DNAH12: variants seen among roughly 807,000 people sequenced by gnomAD.
The protein encoded by DNAH12 is axonemal beta dynein heavy chain 12.
A neutral mutation model predicts 371.5 loss-of-function variants in DNAH12; 285 were observed. The ratio of observed to expected loss-of-function variants is 0.77; its 90% confidence interval spans 0.70 to 0.85. The LOEUF (loss-of-function observed/expected upper bound fraction) is 0.85, where lower values mean the gene tolerates loss of function less well. DNAH12 is among the 40% of genes least tolerant of loss of function. The pLI is 0.00. For synonymous variants in DNAH12, 1,200 were observed against 1,213.0 expected (o/e 0.99, Z 0.22); for missense variants, 3,611 against 3,689.4 (o/e 0.98, Z 0.55).
At chr3:57,523,641 AAGG>A in intron 3 of DNAH12, 32 bp from the exon 4 acceptor site, 1 of 1,488,482 alleles carries the variant, frequency 6.7e-7, no homozygotes. Flanking sequence ...TAATTAAATC[AAGG>A]AGAACATTTT....
chr3:57,369,786 G>GT lies in DNAH12; in HGVS notation c.8760-1527dup, dbSNP rs1285463345. On this transcript the variant is annotated intron_variant, in intron 55 of 73. Transcript: ENST00000495027. Reference sequence around the variant, plus strand: ...ATGTCTTTATTATTGGAAAAATACAGTAAGTGTTCATTCTCTCACAAAATG... The same window carrying GT: ...ATGTCTTTATTATTGGAAAAATACAGTTAAGTGTTCATTCTCTCACAAAATG... Among the ~76,000 whole-genome samples the GT allele has an allele frequency of 1.7e-3, 255 of 152,230 alleles. 3 individuals carry two copies. Among genetic ancestry groups the GT allele is most frequent in the Non-Finnish European group, 2.5e-4 (17 of 67,986 alleles).
chr3:57,429,199 G>A (rs1327730580), intron 33 of DNAH12, among the ~76,000 whole-genome samples: 18 of 149,612 alleles, frequency 1.2e-4, no homozygotes, highest in East Asian at 7.8e-4. Flanking sequence ...TTTTTGAGAC[G>A]GAGTTTCACT....
chr3:57,392,323 T>C (rs1382064665), intron 44 of DNAH12, among the ~76,000 whole-genome samples: 1 of 152,302 alleles, frequency 6.6e-6, no homozygotes, highest in Non-Finnish European at 1.5e-5. Context: ...CCAAGATGTA[T>C]AGAAATATAA....
chr3:57,381,299 T>C (rs912597811), intron 50 of DNAH12, among the ~76,000 whole-genome samples: 1,593 of 151,934 alleles, frequency 0.01, 29 homozygotes, highest in African/African-American at 0.036. Flanking sequence ...AGCCTATATA[T>C]TTTCTTTATT....
chr3:57,371,941 C>CAAAAAAAAAAAA (rs1169602185), intron 55 of DNAH12, among the ~76,000 whole-genome samples: 378 of 25,784 alleles, frequency 0.015, 29 homozygotes, highest in Non-Finnish European at 0.019. Context: ...CTAAACTCAG[C>CAAAAAAAAAAAA]AAAAAAAAAA....
intron 69 of DNAH12, among the ~76,000 whole-genome samples, chr3:57,306,166 C>T (rs990240754): frequency 6.6e-6 from 1 of 152,176 alleles, no homozygotes. Context: ...TGACACTGCC[C>T]GATCGCCTCA....
chr3:57,402,904 A>G (rs782115643), intron 43 of DNAH12, among the ~76,000 whole-genome samples: 1 of 152,242 alleles, frequency 6.6e-6, no homozygotes, highest in Non-Finnish European at 1.5e-5. Flanking sequence ...CATTTTATGC[A>G]TGTATCAAAA....
At chr3:57,399,744 C>G in intron 43 of DNAH12, among the ~76,000 whole-genome samples, 1 of 152,192 alleles carries the variant, frequency 6.6e-6, no homozygotes, top group Admixed American at 6.5e-5. Flanking sequence ...TCTTCATCCT[C>G]AGCCTACCCA....
intron 69 of DNAH12, among the ~76,000 whole-genome samples, chr3:57,302,553 A>ATGGTTTTTTTT (rs1559535314): frequency 1.2e-5 from 1 of 86,392 alleles, no homozygotes; most frequent in African/African-American, 4.2e-5. Context: ...ATATATATAT[A>ATGGTTTTTTTT]TATATATATA....
At position 57,295,720 on chromosome 3, in the gene DNAH12, A is replaced by C. The variant is rs1411337511; in HGVS notation, c.11625-128T>G. On this transcript the variant is annotated intron_variant, in intron 72 of 73. Transcript: ENST00000495027. ...AGGCATAGAGAAAAAGAAATGTAAA[A>C]AAAGAAAATGAGAAAATGGCAATGA... is the stretch of plus-strand genomic sequence containing the variant. 5.2e-6 allele frequency: 4 copies of C among 770,106 alleles called. No homozygotes were observed. In the East Asian group the frequency reaches 1.2e-4, roughly 23 times the overall value. The allele number at this position is 770,106 out of a possible 1,614,324, so 47.7% of individuals were successfully genotyped here. A position where few individuals can be genotyped will look rare whatever the true frequency, so the allele number is the denominator to read the frequency against.
chr3:57,310,132 A>G (rs916800850), intron 67 of DNAH12, among the ~76,000 whole-genome samples: 2 of 152,164 alleles, frequency 1.3e-5, no homozygotes, highest in African/African-American at 2.4e-5. Context: ...TGGCACTGAG[A>G]TGAGTCTGTA....
intron 58 of DNAH12, among the ~76,000 whole-genome samples, chr3:57,362,526 CTGT>C (rs2153329619): frequency 6.6e-6 from 1 of 152,294 alleles, no homozygotes; most frequent in East Asian, 1.9e-4. Context: ...TCTCCAGCAC[CTGT>C]TGTTTCCTGA....
chr3:57,314,461 C>G (rs577361356), intron 66 of DNAH12, 33 bp downstream of exon 66: 23 of 1,550,044 alleles, frequency 1.5e-5, no homozygotes, highest in Admixed American at 1.2e-4. Flanking sequence ...AAATAGTGAT[C>G]CTTCATGAAT....
Position 57,534,508 on chromosome 3 carries a change from C to CTTTTTTT in DNAH12, c.170+8186_170+8192dup, listed in dbSNP as rs35588123. Among the ~76,000 whole-genome samples the CTTTTTTT allele has an allele frequency of 9.2e-5, 10 of 108,812 alleles. No individual in the cohort carries two copies. The East Asian group carries it at 1.6e-3, about 17-fold the overall frequency. The allele number at this position is 108,812 out of a possible 152,430, so 71.4% of individuals were successfully genotyped here. On this transcript the variant is annotated intron_variant, in intron 2 of 73. Transcript: ENST00000495027. ...GGTAGCCCAATTTATTGTTAGCTAG[C>CTTTTTTT]TTTTTTTTTTTTTTTTTTTGAGACA...
chr3:57,298,970 A>G (rs2061291025), intron 70 of DNAH12, among the ~76,000 whole-genome samples: 1 of 152,234 alleles, frequency 6.6e-6, no homozygotes, highest in South Asian at 2.1e-4. Context: ...AGATGAATCA[A>G]TGAAATGGAC....
chr3:57,403,196 G>GCAT (rs1486608076), intron 43 of DNAH12, 113 bp downstream of exon 43: 1 of 1,070,120 alleles, frequency 9.3e-7, no homozygotes, highest in African/African-American at 1.6e-5. Context: ...GACAGTATTA[G>GCAT]CATCATCATC....
At chr3:57,410,525 A>G (rs1037472342) in intron 39 of DNAH12, among the ~76,000 whole-genome samples, 13 of 152,230 alleles carry the variant, frequency 8.5e-5, no homozygotes, top group Admixed American at 5.2e-4. Flanking sequence ...TAGGCCAATT[A>G]ATAATCCTCC....
At chr3:57,470,028 C>T (rs1005604114) in intron 16 of DNAH12, among the ~76,000 whole-genome samples, 4 of 152,110 alleles carry the variant, frequency 2.6e-5, no homozygotes, top group Non-Finnish European at 4.4e-5. Context: ...TGCAATTTGA[C>T]TCCATACTTC....
chr3:57,333,030 A>G lies in DNAH12; in HGVS notation c.9978+1435T>C, dbSNP rs117518689. Among the ~76,000 whole-genome samples, 8 of 152,376 alleles carry G rather than the reference A, an allele frequency of 5.3e-5. No homozygotes were observed. In the East Asian group the frequency reaches 1.2e-3, roughly 22 times the overall value. ...CCACAGAAGTTGATAAACGTTCTGT[A>G]GAGGGCCAGATAAGAAATATTTTAG... On this transcript the variant is annotated intron_variant, in intron 62 of 73. Coordinates refer to ENST00000495027, the MANE Select transcript of DNAH12 (RefSeq NM_001366028.2).
Sources: gnomAD v4.1 joint callset for allele counts (sites outside exome capture counted in the v4.1 genomes callset) on GRCh38, gnomAD v4.1.1 for gene constraint, MANE v1.5 for transcripts, NCBI Gene and HGNC (gene_info 2026-07-23, HGNC 2026-07-21) for gene names.